Variants in ZZZ3 observed in about 807,000 individuals in gnomAD.
ZZZ3 encodes ZZ-type zinc finger-containing protein 3.
ZZZ3 carries 22 observed loss-of-function variants against 95.2 expected under a neutral mutation model. The observed-to-expected ratio is 0.23, with a 90% CI of 0.17 to 0.33. ZZZ3 has a LOEUF of 0.33. Ranked by LOEUF, ZZZ3 falls within the 10% of genes least tolerant of loss-of-function variation. ZZZ3 has a pLI of 1.00. For missense variants in ZZZ3, 885 were observed against 1,066.5 expected (o/e 0.83, Z 2.37); for synonymous variants, 335 against 358.9 (o/e 0.93, Z 0.75).
At chr1:77,629,742 A>C (rs1041423761) in intron 5 of ZZZ3, among the ~76,000 whole-genome samples, 1 of 152,234 alleles carries the variant, frequency 6.6e-6, no homozygotes, top group Non-Finnish European at 1.5e-5. Flanking sequence ...CATTAATTTG[A>C]AAACACTGTT....
At chr1:77,661,197 T>C (rs278851) in intron 1 of ZZZ3, among the ~76,000 whole-genome samples, 63,950 of 151,876 alleles carry the variant, frequency 0.42, 15,735 homozygotes, top group African/African-American at 0.68. Context: ...GGGCAGATCA[T>C]GAGGTCAGAC....
chr1:77,591,314 T>C (rs1353138061), intron 5 of ZZZ3, among the ~76,000 whole-genome samples: 5 of 152,146 alleles, frequency 3.3e-5, no homozygotes, highest in Non-Finnish European at 7.4e-5. Context: ...TCTCTTTCTT[T>C]TCTTTTCCTC....
chr1:77,580,690 C>T, intron 9 of ZZZ3: 1 of 225,266 alleles, frequency 4.4e-6, no homozygotes, highest in Non-Finnish European at 8.9e-6. Context: ...AGTGCAGTGG[C>T]ATGATCCTGG....
chr1:77,617,670 G>A (rs971372256), intron 5 of ZZZ3, among the ~76,000 whole-genome samples: 59 of 151,898 alleles, frequency 3.9e-4, no homozygotes, highest in African/African-American at 1.4e-3. Context: ...CAGACGTGGT[G>A]GCTCATGCCT....
chr1:77,683,222 C>G (rs969294808), upstream of ZZZ3: 1 of 150,288 alleles, frequency 6.7e-6, no homozygotes, highest in Non-Finnish European at 1.5e-5. Context: ...CTCCCTCCCC[C>G]GTGTCTGGCC....
chr1:77,602,602 A>ATTTTTTTTTTTTTTTTTTTT (rs33915566), intron 5 of ZZZ3, among the ~76,000 whole-genome samples: 1 of 117,964 alleles, frequency 8.5e-6, no homozygotes, highest in Non-Finnish European at 1.7e-5. Context: ...ATTTTTACTG[A>ATTTTTTTTTTTTTTTTTTTT]TTTTTTTTTT....
At chr1:77,601,557 G>A (rs138798369) in intron 5 of ZZZ3, among the ~76,000 whole-genome samples, 2 of 152,190 alleles carry the variant, frequency 1.3e-5, no homozygotes, top group African/African-American at 4.8e-5. Context: ...TAGAAAGGTT[G>A]ATTTTGAAAA....
At chr1:77,639,901 ATTT>A (rs5775411) in intron 3 of ZZZ3, among the ~76,000 whole-genome samples, 1 of 141,010 alleles carries the variant, frequency 7.1e-6, no homozygotes. Flanking sequence ...CTAAGGGAGT[ATTT>A]TTTTTTTTTT....
chr1:77,594,373 C>CT (rs1417571865), intron 5 of ZZZ3, among the ~76,000 whole-genome samples: 1 of 152,068 alleles, frequency 6.6e-6, no homozygotes, highest in African/African-American at 2.4e-5. Context: ...ACACCTATCC[C>CT]TTTAGTTCTT....
chr1:77,570,954 C>A (rs1429559700), intron 12 of ZZZ3, among the ~76,000 whole-genome samples: 1 of 150,274 alleles, frequency 6.7e-6, no homozygotes, highest in East Asian at 2.0e-4. Context: ...ACAGCATGAG[C>A]CACTGCGCCT....
At chr1:77,635,905 C>CA (rs1396060899) in intron 4 of ZZZ3, among the ~76,000 whole-genome samples, 43 of 148,498 alleles carry the variant, frequency 2.9e-4, no homozygotes, top group Admixed American at 4.7e-4. Context: ...GACTCTGTCT[C>CA]AAAAAAAAAT....
intron 5 of ZZZ3, among the ~76,000 whole-genome samples, chr1:77,596,494 A>T (rs1407061721): frequency 6.6e-6 from 1 of 152,120 alleles, no homozygotes; most frequent in Non-Finnish European, 1.5e-5. Flanking sequence ...CCTTTTAAGC[A>T]CAAAGAATTA....
intron 4 of ZZZ3, among the ~76,000 whole-genome samples, chr1:77,636,951 A>G (rs1393350369): frequency 6.6e-6 from 1 of 152,192 alleles, no homozygotes; most frequent in Non-Finnish European, 1.5e-5. Context: ...ATTGGGCTGT[A>G]TTGAAAGAGA....
At chr1:77,607,243 G>T (rs1211987730) in intron 5 of ZZZ3, among the ~76,000 whole-genome samples, 6 of 152,168 alleles carry the variant, frequency 3.9e-5, no homozygotes, top group Non-Finnish European at 7.3e-5. Flanking sequence ...TTGTGCAGGG[G>T]AATGTCCATT....
At chr1:77,576,757 TAAAAAA>T (rs1369122622) in intron 11 of ZZZ3, among the ~76,000 whole-genome samples, 18 of 137,992 alleles carry the variant, frequency 1.3e-4, no homozygotes, top group East Asian at 1.0e-3. Context: ...ACACTCACAC[TAAAAAA>T]AAAAACAAAA....
chr1:77,597,687 T>C (rs1462135784), intron 5 of ZZZ3, among the ~76,000 whole-genome samples: 1 of 152,072 alleles, frequency 6.6e-6, no homozygotes, highest in African/African-American at 2.4e-5. Flanking sequence ...GAGAGGCATC[T>C]GTAATACCTG....
chr1:77,610,435 AG>A (rs980822147), intron 5 of ZZZ3, among the ~76,000 whole-genome samples: 1 of 152,114 alleles, frequency 6.6e-6, no homozygotes, highest in Non-Finnish European at 1.5e-5. Flanking sequence ...CAAAAAATAG[AG>A]GAGGAGGGAA....
chr1:77,665,459 T>C (rs905400477), intron 1 of ZZZ3, among the ~76,000 whole-genome samples: 3 of 152,202 alleles, frequency 2.0e-5, no homozygotes, highest in Non-Finnish European at 2.9e-5. Context: ...AATTAGAATA[T>C]TGAAATTACG....
At chr1:77,682,393 A>G (rs1439190288) in intron 1 of ZZZ3, among the ~76,000 whole-genome samples, 192 bp downstream of exon 1, 1 of 152,180 alleles carries the variant, frequency 6.6e-6, no homozygotes, top group East Asian at 1.9e-4. Context: ...TGGAACTATC[A>G]CTGCGTGGGG....
Sources: allele counts gnomAD v4.1 joint callset (sites outside exome capture counted in the v4.1 genomes callset), GRCh38; gene constraint gnomAD v4.1.1; transcripts MANE v1.5; gene names NCBI Gene and HGNC (gene_info 2026-07-23, HGNC 2026-07-21).